The following BCAS3 variants were observed in gnomAD, a reference collection of about 807,000 sequenced individuals.
BCAS3 encodes BCAS3 microtubule associated cell migration factor, also known as BCAS4/BCAS3 fusion.
BCAS3 carries 53 observed loss-of-function variants against 116.1 expected under a neutral mutation model. The ratio of observed to expected loss-of-function variants is 0.46; its 90% CI spans 0.37 to 0.57. The LOEUF (loss-of-function observed/expected upper bound fraction) is 0.57. BCAS3 is among the 20% of genes least tolerant of loss of function. The probability of loss-of-function intolerance (pLI) is 0.00; values close to 1 mark genes in which losing one functional copy is unlikely to be tolerated. For missense variants in BCAS3, 917 were observed against 1,165.4 expected (o/e 0.79, Z 3.10); for synonymous variants, 391 against 408.2 (o/e 0.96, Z 0.51).
At chr17:61,369,820 G>A (rs1490078711) in intron 23 of BCAS3, among the ~76,000 whole-genome samples, 3 of 152,260 alleles carry the variant, frequency 2.0e-5, no homozygotes, top group East Asian at 1.9e-4. Context: ...GCTTGACTTC[G>A]CTTCCCCTGG....
rs924631475 is a variant in BCAS3 at position 61,128,689 on chromosome 17, G to A, written c.2425+44125G>A. ...TCTGCATCGTCCTGTCAAACATCTGGAAACCAGCATATTGGCAGTCGTCTC... is the reference window on the plus strand; with the variant it reads ...TCTGCATCGTCCTGTCAAACATCTGAAAACCAGCATATTGGCAGTCGTCTC... On this transcript the variant is annotated intron_variant, in intron 22 of 23. Coordinates refer to ENST00000407086, the MANE Select transcript of BCAS3 (RefSeq NM_017679.5). This position sits in a 1 kb window ranked among gnomAD's most constrained non-coding sequence, Gnocchi z 4.1. The A allele has an allele frequency of 1.3e-6, 1 of 783,642 alleles. No homozygotes were observed. The highest frequency in any genetic ancestry group is 1.9e-5 in the African/African-American group (1 of 53,040). 48.5% of individuals were successfully genotyped at this position (783,642 alleles called of 1,614,324 possible).
At chr17:61,107,385 A>C (rs1236225183) in intron 22 of BCAS3, among the ~76,000 whole-genome samples, 1 of 151,936 alleles carries the variant, frequency 6.6e-6, no homozygotes, top group African/African-American at 2.4e-5. Context: ...GTGCCTGGCC[A>C]CTTTTGTGTC....
chr17:60,768,428 T>C (rs943752948), intron 6 of BCAS3, among the ~76,000 whole-genome samples: 1 of 152,190 alleles, frequency 6.6e-6, no homozygotes, highest in Admixed American at 6.5e-5. Flanking sequence ...TAGACTGGCC[T>C]AACCTCCCAG....
In BCAS3 at chr17:61,088,458, G is replaced by T. The variant is rs16944811; in HGVS notation, c.2425+3894G>T. ...CATCAATTTATTCATTTTCCTGTAT[G>T]TTCATTTTGGCTAGATAGCTAAGAA... On this transcript the variant is annotated intron_variant, in intron 22 of 23. Coordinates refer to ENST00000407086, the MANE Select transcript of BCAS3 (RefSeq NM_017679.5). The surrounding 1 kb of genome is among the most constrained non-coding windows in gnomAD (Gnocchi z 4.2). Among the ~76,000 whole-genome samples, 11,621 of 152,176 alleles carry T rather than the reference G, an allele frequency of 0.076. 1,438 individuals carry two copies. The highest frequency in any genetic ancestry group is 0.26 in the African/African-American group (10,898 of 41,486).
In BCAS3 at chr17:61,068,034, G is replaced by C. The variant is rs2070912080; in HGVS notation, c.2030-6886G>C. ...ATTCAGTATTTTCCTTTTCAGTTTG[G>C]CAGATAAGGTGTGTTTGAAAATTAC... On this transcript the variant is annotated intron_variant, in intron 19 of 23. Coordinates refer to ENST00000407086, the MANE Select transcript of BCAS3 (RefSeq NM_017679.5). This position sits in a 1 kb window ranked among gnomAD's most constrained non-coding sequence, Gnocchi z 4.3. Among the ~76,000 whole-genome samples, 1 of 151,994 alleles carries C rather than the reference G, an allele frequency of 6.6e-6. No homozygotes were observed. The highest frequency in any genetic ancestry group is 2.4e-5 in the African/African-American group (1 of 41,366).
chr17:61,078,596 A>G (rs1335659900), intron 21 of BCAS3, 67 bp downstream of exon 21: 5 of 1,362,814 alleles, frequency 3.7e-6, no homozygotes, highest in Non-Finnish European at 4.1e-6. Context: ...AATGAGCATC[A>G]TATGTAATAT....
chr17:60,765,309 C>G (rs956217893), intron 6 of BCAS3, among the ~76,000 whole-genome samples: 1 of 152,076 alleles, frequency 6.6e-6, no homozygotes, highest in Non-Finnish European at 1.5e-5. Flanking sequence ...AATTTGGCAT[C>G]TTTTTGCAGT....
rs1447218872 is a variant in BCAS3 at position 61,337,648 on chromosome 17, G to A, written c.2426-30679G>A. 6.6e-6 allele frequency among the ~76,000 whole-genome samples: 1 copy of A among 152,186 alleles called. No individual in the cohort carries two copies. Among genetic ancestry groups the A allele is most frequent in the African/African-American group, 2.4e-5 (1 of 41,440 alleles). ...AGTTTCTAGTACACCTAAACTGAAT[G>A]TTGGTGGGATTGTTTTTATTGTTTT... On this transcript the variant is annotated intron_variant, in intron 22 of 23. Coordinates refer to ENST00000407086, the MANE Select transcript of BCAS3 (RefSeq NM_017679.5). The surrounding 1 kb of genome is among the most constrained non-coding windows in gnomAD (Gnocchi z 4.8).
intron 2 of BCAS3, 93 bp from the exon 3 acceptor site, chr17:60,683,889 A>C: frequency 9.2e-7 from 1 of 1,087,582 alleles, no homozygotes; most frequent in Admixed American, 2.3e-5. Context: ...ACAACAAAAA[A>C]CAAGTGACTT....
At chr17:60,770,447 T>G (rs1465729256) in intron 6 of BCAS3, among the ~76,000 whole-genome samples, 1 of 123,610 alleles carries the variant, frequency 8.1e-6, no homozygotes, top group Non-Finnish European at 1.6e-5. Flanking sequence ...TGAGACAGAG[T>G]CTTGCCTTGT....
Position 61,309,973 on chromosome 17 carries a change from C to A in BCAS3, c.2426-58354C>A, listed in dbSNP as rs1012271115. ...CCTTTGAAAAACTACAGCATTTAGGCTACCAGGTTGTGTTTCCTTAATAGG... is the reference window on the plus strand; with the variant it reads ...CCTTTGAAAAACTACAGCATTTAGGATACCAGGTTGTGTTTCCTTAATAGG... On this transcript the variant is annotated intron_variant, in intron 22 of 23. Coordinates refer to ENST00000407086, the MANE Select transcript of BCAS3 (RefSeq NM_017679.5). This position sits in a 1 kb window ranked among gnomAD's most constrained non-coding sequence, Gnocchi z 4.6. 6.6e-6 allele frequency among the ~76,000 whole-genome samples: 1 copy of A among 152,176 alleles called. No individual in the cohort carries two copies. The highest frequency in any genetic ancestry group is 2.1e-4 in the South Asian group (1 of 4,824).
At chr17:61,329,364 G>T in intron 22 of BCAS3, among the ~76,000 whole-genome samples, 1 of 137,606 alleles carries the variant, frequency 7.3e-6, no homozygotes, top group Non-Finnish European at 1.5e-5. Context: ...TTTTTGAGAC[G>T]GAGTCTCGCT....
chr17:61,340,358 A>C (rs2057051821), intron 22 of BCAS3, among the ~76,000 whole-genome samples: 1 of 151,898 alleles, frequency 6.6e-6, no homozygotes, highest in Non-Finnish European at 1.5e-5. Context: ...CCAGGACAGG[A>C]CTTTAAATAC....
chr17:61,001,583 C>T (rs2064241365), intron 15 of BCAS3, among the ~76,000 whole-genome samples: 1 of 152,144 alleles, frequency 6.6e-6, no homozygotes, highest in South Asian at 2.1e-4. Context: ...ATCAAGTGCA[C>T]TGTAGCTCTG....
rs2063807690 is a variant in BCAS3, at chr17:60,995,919, C to A, written c.1486+5684C>A. On this transcript the variant is annotated intron_variant, in intron 15 of 23. Coordinates refer to ENST00000407086, the MANE Select transcript of BCAS3 (RefSeq NM_017679.5). The surrounding 1 kb of genome is among the most constrained non-coding windows in gnomAD (Gnocchi z 4.7). The stretch of plus-strand genomic sequence containing the variant: ...TTGCAATTTGAAATTAGTATGCTTC[C>A]CATAGGCCTTGCTGAGATGATGACA... 6.6e-6 allele frequency among the ~76,000 whole-genome samples: 1 copy of A among 151,934 alleles called. No homozygotes were observed. Among genetic ancestry groups the A allele is most frequent in the South Asian group, 2.1e-4 (1 of 4,804 alleles).
At chr17:60,872,579 G>A (rs1030544278) in intron 8 of BCAS3, among the ~76,000 whole-genome samples, 5 of 146,960 alleles carry the variant, frequency 3.4e-5, no homozygotes, top group African/African-American at 1.3e-4. Flanking sequence ...ATATCTGTAT[G>A]TATATACACA....
Position 61,012,005 on chromosome 17 carries a change from GAT to G in BCAS3, c.1487-3744_1487-3743del, listed in dbSNP as rs1470873181. ...TTCTACTAGAAAAGCAAAATAAAAA[GAT>G]AGAGATTCCTTCCTTTATGCTCAAA... On this transcript the variant is annotated intron_variant, in intron 15 of 23. Transcript: ENST00000407086. This position sits in a 1 kb window ranked among gnomAD's most constrained non-coding sequence, Gnocchi z 4.5. Among the ~76,000 whole-genome samples, 3 of 151,938 alleles carry G rather than the reference GAT, an allele frequency of 2.0e-5. No homozygotes were observed. Among genetic ancestry groups the G allele is most frequent in the African/African-American group, 7.2e-5 (3 of 41,394 alleles).
chr17:61,284,326 T>G (rs1394496607), intron 22 of BCAS3, among the ~76,000 whole-genome samples: 1 of 152,190 alleles, frequency 6.6e-6, no homozygotes, highest in Non-Finnish European at 1.5e-5. Flanking sequence ...CTGCTCACTC[T>G]GGGTCCACAC....
chr17:60,802,701 G>A (rs1391612223), intron 6 of BCAS3, among the ~76,000 whole-genome samples: 1 of 152,092 alleles, frequency 6.6e-6, no homozygotes, highest in African/African-American at 2.4e-5. Flanking sequence ...GAGTGCAATG[G>A]TGCCGTCTGG....
Sources: allele counts gnomAD v4.1 joint callset (sites outside exome capture counted in the v4.1 genomes callset), GRCh38; gene constraint gnomAD v4.1.1; non-coding constraint Gnocchi (gnomAD v3.1); transcripts MANE v1.5; gene names NCBI Gene and HGNC (gene_info 2026-07-23, HGNC 2026-07-21).